Variants in ZMYND15 observed in about 807,000 individuals in gnomAD.
The protein encoded by ZMYND15 is zinc finger MYND-type containing 15.
In ZMYND15, 54 loss-of-function variants were observed where a neutral mutation model predicts 81.7. The observed-to-expected ratio is 0.66, with a 90% CI of 0.53 to 0.83. ZMYND15 has a LOEUF of 0.83. Ranked by LOEUF, ZMYND15 falls within the 40% of genes least tolerant of loss-of-function variation. ZMYND15 has a pLI of 0.00. For synonymous variants in ZMYND15, 399 were observed against 387.0 expected, an observed-to-expected ratio of 1.03 and a Z score of -0.36; for missense variants, 925 against 973.5, an observed-to-expected ratio of 0.95 and a Z score of 0.66.
In ZMYND15 at chr17:4,744,754, G is replaced by C. The variant is rs1916587853; in HGVS notation, c.1813G>C (p.Gly605Arg). 6.2e-7 allele frequency: 1 copy of C among 1,614,160 alleles called. No homozygotes were observed. Among genetic ancestry groups the C allele is most frequent in the Non-Finnish European group, 8.5e-7 (1 of 1,180,014 alleles). Reference protein sequence around the residue: ...VSARPYHLFQGPKPDLVIGFN... With the variant: ...VSARPYHLFQRPKPDLVIGFN... ...AGCAAGGCCCTACCACCTGTTCCAG[G>C]GGCCCAAGCCTGACCTGGTTATTGG... is the stretch of plus-strand genomic sequence containing the variant. Residue 605 changes from glycine to arginine, a missense_variant, in exon 11 of 14, where the codon GGG (glycine) becomes CGG (arginine). Gly to Arg is a moderately radical substitution (Grantham distance 125). Coordinates refer to ENST00000433935, the MANE Select transcript of ZMYND15 (RefSeq NM_001136046.3). The surrounding 1 kb of genome is among the most constrained non-coding windows in gnomAD (Gnocchi z 4.1).
In ZMYND15 at chr17:4,741,289, T is replaced by G. The variant is rs539992979; in HGVS notation, c.592+149T>G. On this transcript the variant is annotated intron_variant, in intron 2 of 13. Coordinates refer to ENST00000433935, the MANE Select transcript of ZMYND15 (RefSeq NM_001136046.3). The stretch of plus-strand genomic sequence containing the variant: ...TTGACCCACAGTGGGGTTTTTTTTT[T>G]TAATTTAATGTTTAAACATTGCAAG... 114 of 948,176 alleles carry G rather than the reference T, an allele frequency of 1.2e-4. No homozygotes were observed. The Admixed American group carries it at 3.9e-3, about 32-fold the overall frequency. 58.7% of individuals were successfully genotyped at this position (948,176 alleles called of 1,614,324 possible). A position where few individuals can be genotyped will look rare whatever the true frequency, so the allele number is the denominator to read the frequency against.
intron 2 of ZMYND15, 139 bp downstream of exon 2, chr17:4,741,279 GTTT>G: frequency 2.5e-6 from 2 of 789,960 alleles, no homozygotes; most frequent in Non-Finnish European, 3.5e-6. Context: ...CCACAGTGGG[GTTT>G]TTTTTTTTAA....
rs866377045 is a variant in ZMYND15 at position 4,743,022 on chromosome 17, C to T, written c.1145-281C>T. On this transcript the variant is annotated intron_variant, in intron 5 of 13. Transcript: ENST00000433935. The surrounding 1 kb of genome is among the most constrained non-coding windows in gnomAD (Gnocchi z 4.3). ...CCGTAATCCCAGCACTTTGGGAGGC[C>T]AACTTGAGCCCAGGAATTTGAGATC... 1.2e-4 allele frequency among the ~76,000 whole-genome samples: 19 copies of T among 152,044 alleles called. No individual in the cohort carries two copies. The highest frequency in any genetic ancestry group is 5.2e-4 in the Admixed American group (8 of 15,258).
chr17:4,743,459 C>A lies in ZMYND15; in HGVS notation c.1297+4C>A, dbSNP rs748063778. The A allele has an allele frequency of 6.2e-7, 1 of 1,613,708 alleles. No homozygotes were observed. Among genetic ancestry groups the A allele is most frequent in the East Asian group, 2.2e-5 (1 of 44,860 alleles). Reference sequence around the variant, plus strand: ...TCCCTCAGCCTTCTTCGCGGTGGTGCGTGGGGTCTCTCCAGGCATGGGCCC... The same window carrying A: ...TCCCTCAGCCTTCTTCGCGGTGGTGAGTGGGGTCTCTCCAGGCATGGGCCC... On this transcript the variant is annotated splice_donor_region_variant and intron_variant, in intron 6 of 13. Transcript: ENST00000433935. The surrounding 1 kb of genome is among the most constrained non-coding windows in gnomAD (Gnocchi z 4.3).
At chr17:4,740,390 G>T in intron 1 of ZMYND15, 129 bp from the exon 2 acceptor site, 2 of 1,336,318 alleles carry the variant, frequency 1.5e-6, no homozygotes, top group Non-Finnish European at 9.6e-7. Context: ...CCTCTTCTCC[G>T]CTCCTAGCAT....
chr17:4,743,690 C>T lies in ZMYND15; in HGVS notation c.1298-77C>T. 1 of 1,451,120 alleles carries T rather than the reference C, an allele frequency of 6.9e-7. No homozygotes were observed. The allele number at this position is 1,451,120 out of a possible 1,614,324, so 89.9% of individuals were successfully genotyped here. ...CTGCGGCTGTCTCAGGGAATACAGC[C>T]CCTTTGGAAGGAAGAAAGAGATGGG... On this transcript the variant is annotated intron_variant, in intron 6 of 13. Transcript: ENST00000433935. The surrounding 1 kb of genome is among the most constrained non-coding windows in gnomAD (Gnocchi z 4.3).
At position 4,745,621 on chromosome 17, in the gene ZMYND15, C is replaced by A. The variant is rs1443251567; in HGVS notation, c.2058-198C>A. On this transcript the variant is annotated intron_variant, in intron 13 of 13. Transcript: ENST00000433935. The surrounding 1 kb of genome is among the most constrained non-coding windows in gnomAD (Gnocchi z 5.2). ...CCCAACCCACAAAAGACCCCGCGAC[C>A]CTCCAACAGACCCAACCCTGAGTCT... Among the ~76,000 whole-genome samples, 3 of 151,948 alleles carry A rather than the reference C, an allele frequency of 2.0e-5. No homozygotes were observed. The highest frequency in any genetic ancestry group is 6.6e-5 in the Admixed American group (1 of 15,256).
Position 4,744,260 on chromosome 17 carries a change from C to T in ZMYND15, c.1566C>T (p.Asp522=), listed in dbSNP as rs372462720. ...IHVVEAGKEF[D]LVMVFWELLV... ...TGGTGGAGGCCGGGAAGGAGTTTGA[C>T]CTTGTCATGGTGTTTTGGGTAAGTC... Residue 522 remains aspartate, a synonymous_variant, in exon 9 of 14, where the codon GAC becomes GAT. Transcript: ENST00000433935. This position sits in a 1 kb window ranked among gnomAD's most constrained non-coding sequence, Gnocchi z 4.1. 3 of 1,614,032 alleles carry T rather than the reference C, an allele frequency of 1.9e-6. No individual in the cohort carries two copies. Among genetic ancestry groups the T allele is most frequent in the Non-Finnish European group, 2.5e-6 (3 of 1,179,980 alleles).
rs2150629456 is a variant in ZMYND15, at chr17:4,743,430, G to A, written c.1272G>A (p.Thr424=). ...PGFSRHPRGN[T]PSLSLLRGGD... is the part of the protein sequence containing the mutation. ...TCTCCAGACACCCCCGAGGCAACAC[G>A]CCATCCCTCAGCCTTCTTCGCGGTG... is the stretch of plus-strand genomic sequence containing the variant. Residue 424 remains threonine (T), a synonymous_variant, in exon 6 of 14, where the codon ACG becomes ACA. Coordinates refer to ENST00000433935, the MANE Select transcript of ZMYND15 (RefSeq NM_001136046.3). The surrounding 1 kb of genome is among the most constrained non-coding windows in gnomAD (Gnocchi z 4.3). 5.6e-6 allele frequency: 9 copies of A among 1,614,030 alleles called. No homozygotes were observed. The highest frequency in any genetic ancestry group is 5.9e-6 in the Non-Finnish European group (7 of 1,179,994).
In ZMYND15 at chr17:4,743,536, C is replaced by T; in HGVS notation, c.1297+81C>T. 6.4e-7 allele frequency: 1 copy of T among 1,566,532 alleles called. No homozygotes were observed. The highest frequency in any genetic ancestry group is 8.6e-7 in the Non-Finnish European group (1 of 1,156,336). ...GAAGTTGTCTGGGTCCCAGATGATC[C>T]CTCCACATACACACTGACCCCTACC... On this transcript the variant is annotated intron_variant, in intron 6 of 13. Coordinates refer to ENST00000433935, the MANE Select transcript of ZMYND15 (RefSeq NM_001136046.3). The surrounding 1 kb of genome is among the most constrained non-coding windows in gnomAD (Gnocchi z 4.3).
Position 4,741,956 on chromosome 17 carries a change from C to G in ZMYND15, c.869C>G (p.Ala290Gly). The G allele has an allele frequency of 6.2e-7, 1 of 1,614,198 alleles. No individual in the cohort carries two copies. The highest frequency in any genetic ancestry group is 8.5e-7 in the Non-Finnish European group (1 of 1,180,036). The change falls in exon 4 of 14, where the codon GCC (alanine) becomes GGC (glycine). Residue 290 changes from alanine (A) to glycine (G), a missense_variant. Physicochemically the swap from Ala to Gly is moderately conservative, Grantham distance 60. Transcript: ENST00000433935. ...GTCCCAAGGCTAGGTGTGAAGTTAGCCAAAACCCCAATGCGGACATGGGGT... is the reference window on the plus strand; with the variant it reads ...GTCCCAAGGCTAGGTGTGAAGTTAGGCAAAACCCCAATGCGGACATGGGGT... ...SLVPRLGVKLAKTPMRTWGPR... is the reference protein window; with the variant it reads ...SLVPRLGVKLGKTPMRTWGPR...
chr17:4,743,986 GC>G lies in ZMYND15; in HGVS notation c.1379-3del. 1 of 1,554,338 alleles carries G rather than the reference GC, an allele frequency of 6.4e-7. No homozygotes were observed. The highest frequency in any genetic ancestry group is 8.7e-7 in the Non-Finnish European group (1 of 1,148,054). ...CCAGGTCCTCTAGCAACCCTCTCCT[GC>G]CAGGCTCATGGCAGGATTACTACAC... On this transcript the variant is annotated splice_polypyrimidine_tract_variant and splice_region_variant and intron_variant, in intron 7 of 13. Coordinates refer to ENST00000433935, the MANE Select transcript of ZMYND15 (RefSeq NM_001136046.3). The surrounding 1 kb of genome is among the most constrained non-coding windows in gnomAD (Gnocchi z 4.3).
intron 1 of ZMYND15, 183 bp from the exon 2 acceptor site, chr17:4,740,336 C>A (rs534023876): frequency 1.6e-4 from 176 of 1,094,572 alleles, no homozygotes; most frequent in South Asian, 1.2e-3. Flanking sequence ...TCAAGTCCAG[C>A]CCCCATTTTC....
In ZMYND15 at chr17:4,741,911, T is replaced by C; in HGVS notation, c.828-4T>C. ...GATGCCATCTCCCCCCCAACTGCAT[T>C]TAGAGAGCTGGAGAGCTTGGTCCCA... On this transcript the variant is annotated splice_polypyrimidine_tract_variant and splice_region_variant and intron_variant, in intron 3 of 13. Transcript: ENST00000433935. 1 of 1,613,600 alleles carries C rather than the reference T, an allele frequency of 6.2e-7. No homozygotes were observed. Among genetic ancestry groups the C allele is most frequent in the Non-Finnish European group, 8.5e-7 (1 of 1,179,698 alleles).
At position 4,743,777 on chromosome 17, in the gene ZMYND15, C is replaced by A. The variant is rs373544828; in HGVS notation, c.1308C>A (p.Tyr436Ter). Reference sequence around the variant, plus strand: ...CTTTCATCCTCTCAGGAGACCCCTACCAGCTTCTCCAGGGAGACGGGACTG... The same window carrying A: ...CTTTCATCCTCTCAGGAGACCCCTAACAGCTTCTCCAGGGAGACGGGACTG... ...SLSLLRGGDPYQLLQGDGTAL... is the reference protein window; with the variant it reads ...SLSLLRGGDP Residue 436 changes from tyrosine (Y) to a stop codon, truncating the protein, a stop_gained, in exon 7 of 14, where the codon TAC becomes TAA. Coordinates refer to ENST00000433935, the MANE Select transcript of ZMYND15 (RefSeq NM_001136046.3). LOFTEE classifies it high-confidence loss of function. This position sits in a 1 kb window ranked among gnomAD's most constrained non-coding sequence, Gnocchi z 4.3. 13 of 1,613,818 alleles carry A rather than the reference C, an allele frequency of 8.1e-6. No homozygotes were observed. Among genetic ancestry groups the A allele is most frequent in the Non-Finnish European group, 1.1e-5 (13 of 1,179,940 alleles).
At position 4,740,571 on chromosome 17, in the gene ZMYND15, G is replaced by A. The variant is rs750351512; in HGVS notation, c.23G>A (p.Arg8Gln). The A allele has an allele frequency of 3.1e-6, 5 of 1,603,934 alleles. No individual in the cohort carries two copies. Among genetic ancestry groups the A allele is most frequent in the Non-Finnish European group, 4.3e-6 (5 of 1,173,126 alleles). The change falls in exon 2 of 14, where the codon CGG becomes CAG. Residue 8 changes from arginine (R) to glutamine (Q), a missense_variant. Physicochemically the swap from Arg to Gln is conservative, Grantham distance 43 (BLOSUM62 1). Coordinates refer to ENST00000433935, the MANE Select transcript of ZMYND15 (RefSeq NM_001136046.3). MEFVSGY[R>Q]DEFLDFTALL... is the part of the protein sequence containing the mutation. ...GACATGGAGTTTGTGTCTGGATACC[G>A]GGATGAGTTCCTTGATTTCACTGCC...
Position 4,743,167 on chromosome 17 carries a change from A to T in ZMYND15, c.1145-136A>T. On this transcript the variant is annotated intron_variant, in intron 5 of 13. Transcript: ENST00000433935. The surrounding 1 kb of genome is among the most constrained non-coding windows in gnomAD (Gnocchi z 4.3). ...GGTGGGAGAATCGTTTGAGTCCAAG[A>T]GGTCGAGGCTGTAGTGTCCCGTGAT... 1 of 1,004,100 alleles carries T rather than the reference A, an allele frequency of 1.0e-6. No homozygotes were observed. The highest frequency in any genetic ancestry group is 1.4e-6 in the Non-Finnish European group (1 of 691,064). The allele number at this position is 1,004,100 out of a possible 1,614,324, so 62.2% of individuals were successfully genotyped here. A position where few individuals can be genotyped will look rare whatever the true frequency, so the allele number is the denominator to read the frequency against.
chr17:4,741,554 C>T (rs1458996137), intron 2 of ZMYND15, 28 bp from the exon 3 acceptor site: 1 of 1,612,856 alleles, frequency 6.2e-7, no homozygotes, highest in Admixed American at 1.7e-5. Context: ...CTGCCCCCTA[C>T]CACCTCAACT....
rs138988876 is a variant in ZMYND15, at chr17:4,744,671, G to C, written c.1730G>C (p.Arg577Pro). The C allele has an allele frequency of 8.1e-6, 13 of 1,613,556 alleles. No individual in the cohort carries two copies. The African/African-American group carries it at 1.5e-4, about 18-fold the overall frequency. Residue 577 changes from arginine (R) to proline (P), a missense_variant, in exon 11 of 14, where the codon CGG (arginine) becomes CCG (proline). Coordinates refer to ENST00000433935, the MANE Select transcript of ZMYND15 (RefSeq NM_001136046.3). The surrounding 1 kb of genome is among the most constrained non-coding windows in gnomAD (Gnocchi z 4.1). ...SVRPGSGISA[R>P]PSSGTKEKGG... ...CGGCCTGGTTCCGGCATATCAGCACGGCCCAGCTCTGGCACTAAGGAGAAA... is the reference window on the plus strand; with the variant it reads ...CGGCCTGGTTCCGGCATATCAGCACCGCCCAGCTCTGGCACTAAGGAGAAA...
Sources: allele counts gnomAD v4.1 joint callset (sites outside exome capture counted in the v4.1 genomes callset), GRCh38; gene constraint gnomAD v4.1.1; non-coding constraint Gnocchi (gnomAD v3.1); transcripts MANE v1.5; gene names NCBI Gene and HGNC (gene_info 2026-07-23, HGNC 2026-07-21).